TMEM138: variants seen among roughly 807,000 people sequenced by gnomAD.
The protein encoded by TMEM138 is transmembrane protein 138.
In TMEM138, 9 loss-of-function variants were observed where a neutral mutation model predicts 18.1. The observed-to-expected ratio is 0.50, with a 90% CI of 0.30 to 0.87. TMEM138 has a LOEUF of 0.87. Among genes scored for constraint, TMEM138 ranks in the 40% least tolerant of loss-of-function variants. TMEM138 has a pLI of 0.06. For missense variants in TMEM138, 189 were observed against 190.6 expected, an observed-to-expected ratio of 0.99 and a Z score of 0.05; for synonymous variants, 79 against 74.8, an observed-to-expected ratio of 1.06 and a Z score of -0.29.
downstream of TMEM138, among the ~76,000 whole-genome samples, chr11:61,375,214 C>G (rs185781126): frequency 6.6e-6 from 1 of 151,594 alleles, no homozygotes; most frequent in Admixed American, 6.6e-5. Flanking sequence ...AACTTTTAAG[C>G]TATTTATAGC....
At chr11:61,374,572 T>C (rs944710462), downstream of TMEM138, among the ~76,000 whole-genome samples, 10 of 152,234 alleles carry the variant, frequency 6.6e-5, no homozygotes, top group Admixed American at 6.5e-4. Context: ...TGTCTTTGAC[T>C]ATAGCTGCCC....
chr11:61,365,370 C>T (rs1330323448), intron 2 of TMEM138, among the ~76,000 whole-genome samples: 3 of 151,806 alleles, frequency 2.0e-5, no homozygotes, highest in Admixed American at 6.6e-5. Context: ...AAGCAATTCT[C>T]CTGCCTCAGC....
At chr11:61,365,324 A>G (rs543238777) in intron 2 of TMEM138, among the ~76,000 whole-genome samples, 13 of 151,644 alleles carry the variant, frequency 8.6e-5, no homozygotes, top group African/African-American at 3.2e-4. Context: ...ACAGTGGCAC[A>G]ATCTCAGCTC....
chr11:61,364,594 A>C (rs1858070729), intron 2 of TMEM138, 76 bp downstream of exon 2: 2 of 1,590,646 alleles, frequency 1.3e-6, no homozygotes, highest in Admixed American at 3.4e-5. Flanking sequence ...TTAGTGTCTT[A>C]AAGTTATTAG....
rs387907135 is a variant in TMEM138, at chr11:61,368,609, A to G, written c.389A>G (p.Tyr130Cys). ...FVFQRLAAVLYCYFYKRTAVR... is the reference protein window; with the variant it reads ...FVFQRLAAVLCCYFYKRTAVR... ...TTCCTCCCCACAGCAGCAGTGTTGT[A>G]CTGCTACTTCTATAAACGGACAGCC... The change falls in exon 5 of 5, where the codon TAC (tyrosine) becomes TGC (cysteine). Residue 130 changes from tyrosine (Y) to cysteine (C), a missense_variant. Tyr to Cys is a radical substitution (Grantham distance 194). Coordinates refer to ENST00000278826, the MANE Select transcript of TMEM138 (RefSeq NM_016464.5). The G allele has an allele frequency of 2.5e-6, 4 of 1,613,252 alleles. No homozygotes were observed. Among genetic ancestry groups the G allele is most frequent in the Non-Finnish European group, 3.4e-6 (4 of 1,179,456 alleles).
chr11:61,368,109 G>A, intron 4 of TMEM138, 111 bp downstream of exon 4: 1 of 807,310 alleles, frequency 1.2e-6, no homozygotes, highest in East Asian at 2.4e-5. Context: ...GGATGGTTGT[G>A]ACAGCCACAC....
downstream of TMEM138, among the ~76,000 whole-genome samples, chr11:61,373,378 T>G (rs1188663355): frequency 6.6e-6 from 1 of 152,230 alleles, no homozygotes; most frequent in African/African-American, 2.4e-5. Flanking sequence ...AAGCAGTAAC[T>G]GACTCCTTAA....
At position 61,368,797 on chromosome 11, in the gene TMEM138, A is replaced by G; in HGVS notation, c.*88A>G. 1 of 977,186 alleles carries G rather than the reference A, an allele frequency of 1.0e-6. No individual in the cohort carries two copies. Among genetic ancestry groups the G allele is most frequent in the Non-Finnish European group, 1.6e-6 (1 of 619,888 alleles). 60.5% of individuals were successfully genotyped at this position (977,186 alleles called of 1,614,324 possible). On this transcript the variant is annotated 3_prime_UTR_variant, in exon 5 of 5. Coordinates refer to ENST00000278826, the MANE Select transcript of TMEM138 (RefSeq NM_016464.5). ...GGAGAGTTGGCCCTATGCATGGGCA[A>G]ACAGCTGGACTTTCCAAGGAAGGTT... is the stretch of plus-strand genomic sequence containing the variant.
chr11:61,366,022 T>C (rs1174406433), intron 2 of TMEM138, 23 bp from the exon 3 acceptor site: 1 of 1,602,062 alleles, frequency 6.2e-7, no homozygotes, highest in Non-Finnish European at 8.5e-7. Flanking sequence ...CTTCATTGGT[T>C]GTACTTTTTT....
At chr11:61,367,695 G>T in intron 3 of TMEM138, 1 of 506,188 alleles carries the variant, frequency 2.0e-6, no homozygotes, top group East Asian at 3.4e-5. Flanking sequence ...TGGAATTAAA[G>T]AGAATAAATA....
At chr11:61,368,471 C>G in intron 4 of TMEM138, 126 bp from the exon 5 acceptor site, 1 of 633,166 alleles carries the variant, frequency 1.6e-6, no homozygotes, top group Non-Finnish European at 2.8e-6. Context: ...CATGATCCGC[C>G]TGCCTCTGCC....
downstream of TMEM138, among the ~76,000 whole-genome samples, chr11:61,371,795 A>G (rs536859755): frequency 1.4e-4 from 21 of 152,306 alleles, no homozygotes; most frequent in Non-Finnish European, 2.2e-4. Flanking sequence ...GTGTACATTG[A>G]TTTTGCCCAG....
At chr11:61,373,124 G>A (rs1190534028), downstream of TMEM138, among the ~76,000 whole-genome samples, 5 of 152,086 alleles carry the variant, frequency 3.3e-5, no homozygotes, top group South Asian at 6.2e-4. Context: ...CCATCTTCAC[G>A]CCCGGTAGAA....
chr11:61,363,508 A>T lies in TMEM138; in HGVS notation c.-139-744A>T, dbSNP rs150953983. The stretch of plus-strand genomic sequence containing the variant: ...TGAAATTTCTTTATAGATTTGGCAC[A>T]GCAGCGGGTCATAGGACACCCCCAG... On this transcript the variant is annotated intron_variant, in intron 1 of 4. Transcript: ENST00000278826. 8 of 152,374 alleles carry T rather than the reference A, an allele frequency of 5.3e-5. No homozygotes were observed. The East Asian group carries it at 1.5e-3, about 29-fold the overall frequency. The allele number at this position is 152,374 out of a possible 1,614,324, so 9.4% of individuals were successfully genotyped here.
At position 61,364,468 on chromosome 11, in the gene TMEM138, C is replaced by G. The variant is rs1375264271; in HGVS notation, c.78C>G (p.Ser26=). Residue 26 remains serine (S), a synonymous_variant, in exon 2 of 5, where the codon TCC becomes TCG. Coordinates refer to ENST00000278826, the MANE Select transcript of TMEM138 (RefSeq NM_016464.5). ...LLLSYDLFVN[S]FSELLQKTPV... is the part of the protein sequence containing the mutation. ...TGTCCTATGACCTCTTTGTCAATTC[C>G]TTCTCAGAACTGCTCCAAAAGACTC... 6.2e-7 allele frequency: 1 copy of G among 1,614,236 alleles called. No homozygotes were observed. Among genetic ancestry groups the G allele is most frequent in the Non-Finnish European group, 8.5e-7 (1 of 1,180,040 alleles).
At chr11:61,371,009 A>T (rs532913285), downstream of TMEM138, among the ~76,000 whole-genome samples, 8 of 152,014 alleles carry the variant, frequency 5.3e-5, no homozygotes, top group East Asian at 1.5e-3. Context: ...GTCACGCAAC[A>T]CCGCCCCCCT....
At chr11:61,370,447 T>C (rs1385115609), downstream of TMEM138, among the ~76,000 whole-genome samples, 1 of 152,124 alleles carries the variant, frequency 6.6e-6, no homozygotes, top group Non-Finnish European at 1.5e-5. Context: ...AAAGCGTTGA[T>C]GATAGTGGAT....
chr11:61,369,945 C>CA (rs577753708), downstream of TMEM138, among the ~76,000 whole-genome samples: 237 of 152,306 alleles, frequency 1.6e-3, 1 homozygote, highest in Non-Finnish European at 2.5e-3. Flanking sequence ...AGCCCAGAAA[C>CA]AAAGTGGCAA....
chr11:61,367,772 A>C (rs761820272), intron 3 of TMEM138, 151 bp from the exon 4 acceptor site: 2 of 656,844 alleles, frequency 3.0e-6, no homozygotes, highest in Non-Finnish European at 5.5e-6. Context: ...TGGAGCTTTG[A>C]GGCTCCTTCG....
Sources: allele counts gnomAD v4.1 joint callset (sites outside exome capture counted in the v4.1 genomes callset), GRCh38; gene constraint gnomAD v4.1.1; transcripts MANE v1.5; gene names NCBI Gene and HGNC (gene_info 2026-07-23, HGNC 2026-07-21).